FNDC1: variants seen among roughly 807,000 people sequenced by gnomAD.
FNDC1 encodes fibronectin type III domain-containing protein 1.
In FNDC1, 96 loss-of-function variants were observed where a neutral mutation model predicts 168.0. The observed-to-expected ratio is 0.57, with a 90% CI of 0.48 to 0.68. The LOEUF (loss-of-function observed/expected upper bound fraction) is 0.68, where lower values mean the gene tolerates loss of function less well. FNDC1 is among the 30% of genes least tolerant of loss of function. FNDC1 has a pLI of 0.00. For synonymous variants in FNDC1, 1,099 were observed against 1,025.9 expected, an observed-to-expected ratio of 1.07 and a Z score of -1.36; for missense variants, 2,587 against 2,482.1, an observed-to-expected ratio of 1.04 and a Z score of -0.90.
At chr6:159,229,174 G>A (rs537491656) in intron 9 of FNDC1, among the ~76,000 whole-genome samples, 2 of 152,130 alleles carry the variant, frequency 1.3e-5, no homozygotes, top group Non-Finnish European at 2.9e-5. Context: ...GCTATTATGT[G>A]ACTATAGAGC....
intron 4 of FNDC1, among the ~76,000 whole-genome samples, chr6:159,202,250 A>G (rs916235044): frequency 6.6e-6 from 1 of 152,232 alleles, no homozygotes; most frequent in Admixed American, 6.5e-5. Context: ...AACAAAAAAA[A>G]CCCAGGAATA....
rs746433637 is a variant in FNDC1 at position 159,261,181 on chromosome 6, C to T, written c.5175-9C>T. 1 of 1,599,514 alleles carries T rather than the reference C, an allele frequency of 6.3e-7. No individual in the cohort carries two copies. Among genetic ancestry groups the T allele is most frequent in the Non-Finnish European group, 8.5e-7 (1 of 1,169,938 alleles). ...GTCTCTTTCAAAATATATCTTCTTC[C>T]AACTTCAGGTATTATTTTAAAGTGC... On this transcript the variant is annotated splice_polypyrimidine_tract_variant and intron_variant, in intron 18 of 22. Coordinates refer to ENST00000297267, the MANE Select transcript of FNDC1 (RefSeq NM_032532.3).
At position 159,233,357 on chromosome 6, in the gene FNDC1, G is replaced by T. The variant is rs769955596; in HGVS notation, c.2845G>T (p.Ala949Ser). 6.2e-7 allele frequency: 1 copy of T among 1,613,802 alleles called. No individual in the cohort carries two copies. Among genetic ancestry groups the T allele is most frequent in the South Asian group, 1.1e-5 (1 of 91,066 alleles). Reference protein sequence around the residue: ...QGKYSSLASKAQDVQQSTDAD... With the variant: ...QGKYSSLASKSQDVQQSTDAD... ...CAAGTACTCCTCCCTGGCCTCCAAG[G>T]CTCAGGATGTTCAACAGAGCACAGA... is the stretch of plus-strand genomic sequence containing the variant. The change falls in exon 11 of 23, where the codon GCT becomes TCT. Residue 949 changes from alanine to serine, a missense_variant. Physicochemically the swap from Ala to Ser is moderately conservative, Grantham distance 99 (BLOSUM62 1). Coordinates refer to ENST00000297267, the MANE Select transcript of FNDC1 (RefSeq NM_032532.3). The surrounding 1 kb of genome is among the most constrained non-coding windows in gnomAD (Gnocchi z 4.6).
Position 159,200,551 on chromosome 6 carries a change from G to C in FNDC1, c.430G>C (p.Gly144Arg), listed in dbSNP as rs1373287669. The change falls in exon 4 of 23, where the codon GGT (glycine) becomes CGT (arginine). Residue 144 changes from glycine (G) to arginine (R), a missense_variant. Transcript: ENST00000297267. Reference sequence around the variant, plus strand: ...CGAGATTGATGGTTTTCCCATTAAGGGTCCAGGACCATTTAATGAAACCGT... The same window carrying C: ...CGAGATTGATGGTTTTCCCATTAAGCGTCCAGGACCATTTAATGAAACCGT... The part of the protein sequence containing the change: ...WIEIDGFPIK[G>R]PGPFNETVTE... 6.3e-7 allele frequency: 1 copy of C among 1,598,938 alleles called. No individual in the cohort carries two copies. The highest frequency in any genetic ancestry group is 1.7e-5 in the Admixed American group (1 of 58,156).
intron 20 of FNDC1, 114 bp from the exon 21 acceptor site, chr6:159,265,967 CAAA>C (rs869311362): frequency 1.6e-4 from 118 of 743,928 alleles, no homozygotes; most frequent in Non-Finnish European, 3.3e-5. Flanking sequence ...AACAAACAAA[CAAA>C]AAGCCCTGTA....
intron 18 of FNDC1, among the ~76,000 whole-genome samples, chr6:159,260,365 C>T (rs1274519859): frequency 3.3e-5 from 5 of 152,302 alleles, no homozygotes; most frequent in African/African-American, 7.2e-5. Context: ...TAACATGCTT[C>T]GAGACTCAGT....
intron 11 of FNDC1, 50 bp downstream of exon 11, chr6:159,234,529 A>T: frequency 1.3e-6 from 2 of 1,569,314 alleles, no homozygotes; most frequent in Non-Finnish European, 1.7e-6. Context: ...AGTGGTGTTC[A>T]TGGCAATGCC....
intron 13 of FNDC1, among the ~76,000 whole-genome samples, chr6:159,239,177 A>G (rs1377686066): frequency 2.0e-5 from 3 of 152,160 alleles, no homozygotes; most frequent in African/African-American, 7.2e-5. Flanking sequence ...TGCACTCTAA[A>G]AGCGGATTGA....
chr6:159,192,049 GTT>G (rs1179925898), intron 1 of FNDC1, among the ~76,000 whole-genome samples: 1 of 151,938 alleles, frequency 6.6e-6, no homozygotes, highest in Admixed American at 6.6e-5. Context: ...TTTTTGTATT[GTT>G]TTTATATATA....
chr6:159,178,596 G>A (rs1583849384), intron 1 of FNDC1, among the ~76,000 whole-genome samples: 1 of 152,052 alleles, frequency 6.6e-6, no homozygotes, highest in Non-Finnish European at 1.5e-5. Context: ...ACACAAATCT[G>A]TTCCCCCATT....
chr6:159,257,999 C>T (rs1777409975), intron 18 of FNDC1, among the ~76,000 whole-genome samples: 2 of 150,660 alleles, frequency 1.3e-5, no homozygotes, highest in Admixed American at 1.3e-4. Context: ...AGAGGCCTTG[C>T]CACAGAGCTA....
chr6:159,204,243 C>T (rs1028237268), intron 4 of FNDC1, among the ~76,000 whole-genome samples: 1 of 152,142 alleles, frequency 6.6e-6, no homozygotes, highest in African/African-American at 2.4e-5. Context: ...CCGGGTTGCT[C>T]CCTAAATCCA....
intron 1 of FNDC1, among the ~76,000 whole-genome samples, chr6:159,186,326 C>A (rs1781998460): frequency 6.6e-6 from 1 of 152,154 alleles, no homozygotes; most frequent in East Asian, 1.9e-4. Flanking sequence ...TGCAAATAAA[C>A]AAACAACCTA....
chr6:159,270,157 T>C (rs1777711757), intron 22 of FNDC1, among the ~76,000 whole-genome samples: 1 of 152,190 alleles, frequency 6.6e-6, no homozygotes. Context: ...CCTAGTGATC[T>C]AGAGGTCTAG....
chr6:159,197,632 G>T lies in FNDC1; in HGVS notation c.304+7G>T. 1.2e-6 allele frequency: 2 copies of T among 1,605,686 alleles called. No individual in the cohort carries two copies. The highest frequency in any genetic ancestry group is 1.7e-6 in the Non-Finnish European group (2 of 1,175,392). Reference sequence around the variant, plus strand: ...TTCCTTATTGAGGATGTGGGTAAGTGACACTCTGATCTTGTTCCCAGTCAG... The same window carrying T: ...TTCCTTATTGAGGATGTGGGTAAGTTACACTCTGATCTTGTTCCCAGTCAG... On this transcript the variant is annotated splice_region_variant and intron_variant, in intron 2 of 22. Coordinates refer to ENST00000297267, the MANE Select transcript of FNDC1 (RefSeq NM_032532.3).
intron 22 of FNDC1, among the ~76,000 whole-genome samples, chr6:159,269,470 CTATCTA>C (rs1777682619): frequency 1.5e-5 from 2 of 134,618 alleles, no homozygotes; most frequent in African/African-American, 5.9e-5. Flanking sequence ...ATCTATCTAT[CTATCTA>C]TCTATCTATC....
intron 4 of FNDC1, among the ~76,000 whole-genome samples, chr6:159,210,729 C>T (rs1782584293): frequency 1.3e-5 from 2 of 152,132 alleles, no homozygotes; most frequent in African/African-American, 4.8e-5. Flanking sequence ...TGTCAGGCAG[C>T]ACCGGGCCTG....
At chr6:159,224,607 T>C (rs1016807349) in intron 7 of FNDC1, among the ~76,000 whole-genome samples, 1 of 152,236 alleles carries the variant, frequency 6.6e-6, no homozygotes, top group African/African-American at 2.4e-5. Flanking sequence ...TCCCTAGCCA[T>C]ATGGTCTTCT....
At position 159,256,697 on chromosome 6, in the gene FNDC1, G is replaced by C. The variant is rs575377807; in HGVS notation, c.5174+66G>C. On this transcript the variant is annotated intron_variant, in intron 18 of 22. Transcript: ENST00000297267. Reference sequence around the variant, plus strand: ...GCATGGTTGCTGATTTGCTTTGGTTGGAAATGAAGGGAGGAATCAAAATGT... The same window carrying C: ...GCATGGTTGCTGATTTGCTTTGGTTCGAAATGAAGGGAGGAATCAAAATGT... 5 of 1,171,946 alleles carry C rather than the reference G, an allele frequency of 4.3e-6. No individual in the cohort carries two copies. In the East Asian group the frequency reaches 1.2e-4, roughly 27 times the overall value. 72.6% of individuals were successfully genotyped at this position (1,171,946 alleles called of 1,614,324 possible).
Sources: allele counts gnomAD v4.1 joint callset (sites outside exome capture counted in the v4.1 genomes callset), GRCh38; gene constraint gnomAD v4.1.1; non-coding constraint Gnocchi (gnomAD v3.1); transcripts MANE v1.5; gene names NCBI Gene and HGNC (gene_info 2026-07-23, HGNC 2026-07-21).